The following ACAP2 variants were observed in gnomAD, a reference collection of about 807,000 sequenced individuals.
ACAP2 encodes ArfGAP with coiled-coil, ankyrin repeat and PH domains 2.
ACAP2 carries 39 observed loss-of-function variants against 115.8 expected under a neutral mutation model. The observed-to-expected ratio is 0.34, with a 90% CI of 0.26 to 0.44. ACAP2 has a LOEUF of 0.44. Among genes scored for constraint, ACAP2 ranks in the 20% least tolerant of loss-of-function variants. The probability of loss-of-function intolerance (pLI) is 1.00; values close to 1 mark genes in which losing one functional copy is unlikely to be tolerated. For synonymous variants in ACAP2, 289 were observed against 315.8 expected (o/e 0.92, Z 0.90); for missense variants, 662 against 927.6 (o/e 0.71, Z 3.72).
intron 15 of ACAP2, among the ~76,000 whole-genome samples, chr3:195,299,850 G>C (rs897166343): frequency 7.9e-5 from 12 of 151,658 alleles, no homozygotes; most frequent in African/African-American, 2.9e-4. Context: ...AAAAAAGAGA[G>C]AATTTGGAAA....
chr3:195,399,859 A>T (rs992462088), intron 1 of ACAP2, among the ~76,000 whole-genome samples: 5 of 152,136 alleles, frequency 3.3e-5, no homozygotes, highest in East Asian at 1.9e-4. Flanking sequence ...AAAAAAATTT[A>T]AAAAAAGGAA....
At chr3:195,314,192 T>A (rs1025692811) in intron 10 of ACAP2, among the ~76,000 whole-genome samples, 4 of 134,816 alleles carry the variant, frequency 3.0e-5, no homozygotes, top group Admixed American at 1.5e-4. Flanking sequence ...AGGAAGAAAA[T>A]TTTGTTGTTT....
intron 1 of ACAP2, chr3:195,410,714 G>A (rs1242937023): frequency 6.5e-6 from 1 of 153,654 alleles, no homozygotes; most frequent in Non-Finnish European, 1.5e-5. Flanking sequence ...TACCTGCTAT[G>A]GTTTGAATGT....
chr3:195,413,818 T>C (rs1191944362), intron 1 of ACAP2, among the ~76,000 whole-genome samples: 9 of 149,712 alleles, frequency 6.0e-5, no homozygotes, highest in African/African-American at 1.7e-4. Context: ...GTAAAGAAAA[T>C]ACACAGACAA....
chr3:195,341,321 G>GTTTTTTTTTTTT (rs377628235), intron 6 of ACAP2, among the ~76,000 whole-genome samples: 1 of 107,046 alleles, frequency 9.3e-6, no homozygotes, highest in African/African-American at 3.7e-5. Context: ...TATTGTGTGG[G>GTTTTTTTTTTTT]TTTTTTTTTT....
intron 1 of ACAP2, among the ~76,000 whole-genome samples, chr3:195,431,437 ACTTTT>A (rs1715115011): frequency 6.6e-6 from 1 of 151,560 alleles, no homozygotes; most frequent in African/African-American, 2.4e-5. Context: ...TCTATGTTTA[ACTTTT>A]CTTTTTTTTC....
intron 6 of ACAP2, among the ~76,000 whole-genome samples, chr3:195,341,321 G>GTTTTTTTTTTTTTTTTTTTTTTTTTTTTT (rs377628235): frequency 9.3e-6 from 1 of 107,046 alleles, no homozygotes. Flanking sequence ...TATTGTGTGG[G>GTTTTTTTTTTTTTTTTTTTTTTTTTTTTT]TTTTTTTTTT....
At chr3:195,368,130 T>C (rs1732856859) in intron 4 of ACAP2, among the ~76,000 whole-genome samples, 1 of 152,160 alleles carries the variant, frequency 6.6e-6, no homozygotes, top group Admixed American at 6.6e-5. Context: ...TGTATGCCTG[T>C]CTGTTAACTC....
At chr3:195,393,629 C>G (rs1360081285) in intron 1 of ACAP2, among the ~76,000 whole-genome samples, 2 of 152,166 alleles carry the variant, frequency 1.3e-5, no homozygotes, top group Admixed American at 6.5e-5. Context: ...TCCCCTTAAC[C>G]TAGAAAACAT....
chr3:195,416,637 T>C (rs1376461919), intron 1 of ACAP2, among the ~76,000 whole-genome samples: 1 of 152,158 alleles, frequency 6.6e-6, no homozygotes, highest in East Asian at 1.9e-4. Flanking sequence ...GAACACAGTG[T>C]TCATTTTTCA....
chr3:195,327,714 G>C (rs1217963957), intron 8 of ACAP2, among the ~76,000 whole-genome samples: 2 of 151,946 alleles, frequency 1.3e-5, no homozygotes, highest in Non-Finnish European at 2.9e-5. Context: ...GGCGGATCAC[G>C]AGGTCAGGAC....
chr3:195,426,789 C>T (rs1020041373), intron 1 of ACAP2, among the ~76,000 whole-genome samples: 1 of 152,176 alleles, frequency 6.6e-6, no homozygotes, highest in Admixed American at 6.5e-5. Flanking sequence ...CCAATGAGCA[C>T]AGATTAGATC....
chr3:195,370,952 CAAAAA>C (rs35365512), intron 4 of ACAP2, among the ~76,000 whole-genome samples: 5 of 104,320 alleles, frequency 4.8e-5, no homozygotes, highest in East Asian at 2.2e-4. Flanking sequence ...AACTCTGTCT[CAAAAA>C]AAAAAAAAAA....
rs556605366 is a variant in ACAP2, at chr3:195,351,510, G to A, written c.286-6193C>T. ...TGACGGAGTCTTGCTCTGTCACCCT[G>A]GAGTGCAGTGGCGTGATGTCAGCTC... On this transcript the variant is annotated intron_variant, in intron 4 of 22. Coordinates refer to ENST00000326793, the MANE Select transcript of ACAP2 (RefSeq NM_012287.6). 2.7e-5 allele frequency among the ~76,000 whole-genome samples: 4 copies of A among 148,080 alleles called. No individual in the cohort carries two copies. In the East Asian group the frequency reaches 8.1e-4, roughly 30 times the overall value.
Position 195,442,810 on chromosome 3 carries a change from T to C in ACAP2, c.38A>G (p.Asp13Gly). The stretch of plus-strand genomic sequence containing the variant: ...TGCCGGTTACCTGAAGCGGGGCGAG[T>C]CCTTCAGACACTCCTCGAAATCCAC... ...MTVDFEECLK[D>G]SPRFRAALEE... The change falls in exon 1 of 23, where the codon GAC (aspartate) becomes GGC (glycine). Residue 13 changes from aspartate (D) to glycine (G), a missense_variant. This residue lies in a region of ACAP2 where 401 missense variants were observed against 604.4 expected (regional missense o/e 0.66). Coordinates refer to ENST00000326793, the MANE Select transcript of ACAP2 (RefSeq NM_012287.6). The C allele has an allele frequency of 6.5e-7, 1 of 1,529,262 alleles. No homozygotes were observed. The highest frequency in any genetic ancestry group is 8.8e-7 in the Non-Finnish European group (1 of 1,138,418). 94.7% of individuals were successfully genotyped at this position (1,529,262 alleles called of 1,614,324 possible). A position where few individuals can be genotyped will look rare whatever the true frequency, so the allele number is the denominator to read the frequency against.
chr3:195,442,403 AGAAGG>A (rs1192332828), intron 1 of ACAP2: 1 of 290,402 alleles, frequency 3.4e-6, no homozygotes, highest in African/African-American at 2.2e-5. Flanking sequence ...GTGGAAACCA[AGAAGG>A]GGCGGAAGGA....
intron 20 of ACAP2, among the ~76,000 whole-genome samples, chr3:195,289,463 G>A (rs1034319793): frequency 1.3e-5 from 2 of 151,916 alleles, no homozygotes; most frequent in Non-Finnish European, 2.9e-5. Flanking sequence ...GTGCTATATA[G>A]ATAGCATGGT....
intron 2 of ACAP2, among the ~76,000 whole-genome samples, chr3:195,390,997 G>A (rs1734634631): frequency 6.6e-6 from 1 of 152,032 alleles, no homozygotes; most frequent in African/African-American, 2.4e-5. Context: ...TAGATGGAGG[G>A]AATCAATGTA....
intron 15 of ACAP2, among the ~76,000 whole-genome samples, chr3:195,299,180 T>C (rs965425623): frequency 3.3e-5 from 5 of 152,070 alleles, no homozygotes; most frequent in African/African-American, 7.2e-5. Context: ...TCAACCTTAT[T>C]TACAAGAAAT....
Sources: allele counts gnomAD v4.1 joint callset (sites outside exome capture counted in the v4.1 genomes callset), GRCh38; gene constraint gnomAD v4.1.1; regional missense constraint gnomAD v4.1.1; transcripts MANE v1.5; gene names NCBI Gene and HGNC (gene_info 2026-07-23, HGNC 2026-07-21).